The following CEP63 variants were observed in gnomAD, a reference collection of about 807,000 sequenced individuals.
CEP63 encodes the protein centrosomal protein 63.
In CEP63, 84 loss-of-function variants were observed where a neutral mutation model predicts 89.1. The ratio of observed to expected loss-of-function variants is 0.94; its 90% CI spans 0.79 to 1.13. The LOEUF is 1.13. Ranked by LOEUF, CEP63 falls within the 50% of genes most tolerant of loss-of-function variation. The pLI, the probability that CEP63 is intolerant of heterozygous loss-of-function variation, is 0.00. For missense variants in CEP63, 838 were observed against 813.3 expected (o/e 1.03, Z -0.37); for synonymous variants, 267 against 272.5 (o/e 0.98, Z 0.20).
chr3:134,569,347 C>T (rs921701146), downstream of CEP63, among the ~76,000 whole-genome samples: 3 of 152,196 alleles, frequency 2.0e-5, no homozygotes, highest in Admixed American at 6.5e-5. Flanking sequence ...CCTGTAAAAT[C>T]GAAAGTGAGT....
downstream of CEP63, among the ~76,000 whole-genome samples, chr3:134,579,770 T>G (rs1477874831): frequency 6.6e-6 from 1 of 152,216 alleles, no homozygotes; most frequent in Non-Finnish European, 1.5e-5. Flanking sequence ...TATAGTGGCA[T>G]TACTCATAAT....
chr3:134,727,457 G>A, the CEP63 span, among the ~76,000 whole-genome samples: 91 of 152,230 alleles, frequency 6.0e-4, no homozygotes, highest in African/African-American at 2.0e-3. Context: ...ACAAGGCCTT[G>A]GTTATTCATT....
At chr3:134,706,306 C>A in the CEP63 span, among the ~76,000 whole-genome samples, 1 of 152,134 alleles carries the variant, frequency 6.6e-6, no homozygotes, top group Non-Finnish European at 1.5e-5. Flanking sequence ...TTAAAATCAG[C>A]TTGTAGTCTC....
At chr3:134,554,080 T>G (rs1955545211) in intron 12 of CEP63, among the ~76,000 whole-genome samples, 1 of 152,186 alleles carries the variant, frequency 6.6e-6, no homozygotes. Flanking sequence ...TTTATTTTTA[T>G]TTTTTTCCTT....
At chr3:134,554,146 C>A (rs1232078189) in intron 12 of CEP63, among the ~76,000 whole-genome samples, 4 of 151,744 alleles carry the variant, frequency 2.6e-5, no homozygotes, top group Non-Finnish European at 5.9e-5. Context: ...GGTTAGTTAC[C>A]TATGTATACA....
At chr3:134,613,701 CTGATATGAGGATA>C in the CEP63 span, among the ~76,000 whole-genome samples, 1 of 152,214 alleles carries the variant, frequency 6.6e-6, no homozygotes. Context: ...ATGCTTGACT[CTGATATGAGGATA>C]TTTTATTACC....
intron 1 of CEP63, among the ~76,000 whole-genome samples, chr3:134,492,096 C>T (rs1273215006): frequency 3.5e-5 from 3 of 84,540 alleles, no homozygotes; most frequent in African/African-American, 4.6e-5. Flanking sequence ...TTTTTTGAGA[C>T]GGAGTTTTGC....
At chr3:134,677,725 A>C in the CEP63 span, among the ~76,000 whole-genome samples, 1 of 151,648 alleles carries the variant, frequency 6.6e-6, no homozygotes, top group Non-Finnish European at 1.5e-5. Flanking sequence ...ATTCCTCATG[A>C]CTGAATCCCT....
At chr3:134,521,975 TGGG>T (rs1271787400) in intron 3 of CEP63, among the ~76,000 whole-genome samples, 2 of 152,146 alleles carry the variant, frequency 1.3e-5, no homozygotes, top group South Asian at 2.1e-4. Context: ...CAGCTGGACT[TGGG>T]GGAGCTGTTC....
chr3:134,606,923 G>T, the CEP63 span: 10 of 984,580 alleles, frequency 1.0e-5, no homozygotes, highest in African/African-American at 1.8e-4. Flanking sequence ...GCTCATCTCA[G>T]TTTCCCTATT....
chr3:134,674,018 C>A, the CEP63 span, among the ~76,000 whole-genome samples: 1 of 152,196 alleles, frequency 6.6e-6, no homozygotes, highest in Admixed American at 6.5e-5. Flanking sequence ...AAAATTCATT[C>A]CATTGGACAC....
At chr3:134,644,530 C>G in the CEP63 span, among the ~76,000 whole-genome samples, 1 of 152,288 alleles carries the variant, frequency 6.6e-6, no homozygotes, top group South Asian at 2.1e-4. Flanking sequence ...GGAGGTTCCC[C>G]CACCACTACC....
chr3:134,676,780 T>C, the CEP63 span, among the ~76,000 whole-genome samples: 1 of 152,162 alleles, frequency 6.6e-6, no homozygotes, highest in East Asian at 1.9e-4. Flanking sequence ...GCCAACACAT[T>C]CCCTGCTTCC....
At chr3:134,486,951 G>C (rs763312607) in intron 1 of CEP63, among the ~76,000 whole-genome samples, 11 of 152,154 alleles carry the variant, frequency 7.2e-5, no homozygotes, top group Non-Finnish European at 1.6e-4. Context: ...TTTTTCTTAC[G>C]TCCCTTACGA....
chr3:134,664,525 C>A, the CEP63 span, among the ~76,000 whole-genome samples: 1 of 152,198 alleles, frequency 6.6e-6, no homozygotes, highest in Non-Finnish European at 1.5e-5. Flanking sequence ...GTACCTCACT[C>A]TGGGATCTCA....
At chr3:134,544,888 C>A (rs953563045) in intron 6 of CEP63, among the ~76,000 whole-genome samples, 18 of 152,198 alleles carry the variant, frequency 1.2e-4, no homozygotes, top group African/African-American at 3.1e-4. Context: ...TACTTTGTCA[C>A]GCAGGCCGGA....
the CEP63 span, among the ~76,000 whole-genome samples, chr3:134,729,161 C>T: frequency 1.4e-4 from 22 of 152,026 alleles, 1 homozygote; most frequent in African/African-American, 4.8e-5. Context: ...AAAATCAAAA[C>T]GATACAAAAT....
At chr3:134,666,558 C>T in the CEP63 span, among the ~76,000 whole-genome samples, 1 of 152,140 alleles carries the variant, frequency 6.6e-6, no homozygotes, top group South Asian at 2.1e-4. Context: ...GGTACTTTCT[C>T]CACAGTTGCT....
the CEP63 span, among the ~76,000 whole-genome samples, chr3:134,750,422 G>A: frequency 6.6e-6 from 1 of 152,328 alleles, no homozygotes; most frequent in African/African-American, 2.4e-5. Context: ...TGAGCCCAGG[G>A]CAGCAGGATT....
Sources: allele counts gnomAD v4.1 joint callset (sites outside exome capture counted in the v4.1 genomes callset), GRCh38; gene constraint gnomAD v4.1.1; transcripts MANE v1.5; gene names NCBI Gene and HGNC (gene_info 2026-07-23, HGNC 2026-07-21).